The following NXPE2 variants were observed in gnomAD, a reference collection of about 807,000 sequenced individuals.
NXPE2 encodes the protein NXPE family member 2.
In NXPE2, 34 loss-of-function variants were observed where a neutral mutation model predicts 34.4. The observed-to-expected ratio is 0.99, with a 90% CI of 0.75 to 1.31. The LOEUF (loss-of-function observed/expected upper bound fraction) is 1.31, where lower values mean the gene tolerates loss of function less well. Among genes scored for constraint, NXPE2 ranks in the 40% most tolerant of loss-of-function variants. The probability of loss-of-function intolerance (pLI) is 0.00; values close to 1 mark genes in which losing one functional copy is unlikely to be tolerated. For synonymous variants in NXPE2, 235 were observed against 231.3 expected (o/e 1.02, Z -0.15); for missense variants, 649 against 672.5 (o/e 0.97, Z 0.39).
the NXPE2 span, among the ~76,000 whole-genome samples, chr11:114,604,417 C>G: frequency 6.6e-6 from 1 of 151,904 alleles, no homozygotes. Context: ...TAAGTATTGC[C>G]TCGTGGGTAA....
chr11:114,797,544 T>C, the NXPE2 span, among the ~76,000 whole-genome samples: 2 of 152,130 alleles, frequency 1.3e-5, no homozygotes, highest in African/African-American at 4.8e-5. Context: ...TTATGGCACG[T>C]GGAGCTCCTC....
At chr11:114,597,673 C>T in the NXPE2 span, among the ~76,000 whole-genome samples, 1 of 151,870 alleles carries the variant, frequency 6.6e-6, no homozygotes, top group African/African-American at 2.4e-5. Flanking sequence ...CTGGTTGATT[C>T]CATCACTTTG....
chr11:114,788,971 G>T, the NXPE2 span, among the ~76,000 whole-genome samples: 6 of 152,142 alleles, frequency 3.9e-5, no homozygotes, highest in Admixed American at 3.9e-4. Flanking sequence ...ACAGAGCAAG[G>T]CCTCTCATTT....
the NXPE2 span, among the ~76,000 whole-genome samples, chr11:114,654,397 G>C: frequency 6.6e-6 from 1 of 151,844 alleles, no homozygotes; most frequent in Non-Finnish European, 1.5e-5. Context: ...GAATGTGCAG[G>C]TTTGTTACAT....
the NXPE2 span, among the ~76,000 whole-genome samples, chr11:114,630,652 C>A: frequency 4.6e-5 from 7 of 150,882 alleles, no homozygotes; most frequent in African/African-American, 1.7e-4. Context: ...GCAATGGCAA[C>A]AAAAGCCAAA....
intron 2 of NXPE2, among the ~76,000 whole-genome samples, chr11:114,687,918 C>T (rs1355946137): frequency 6.6e-6 from 1 of 151,920 alleles, no homozygotes; most frequent in Non-Finnish European, 1.5e-5. Flanking sequence ...AAAAATGCTA[C>T]TAATTTTTGT....
chr11:114,594,184 G>T, the NXPE2 span, among the ~76,000 whole-genome samples: 1 of 152,020 alleles, frequency 6.6e-6, no homozygotes, highest in Non-Finnish European at 1.5e-5. Flanking sequence ...GAGTATAATT[G>T]TCTTGTTTGT....
chr11:114,735,753 C>T, the NXPE2 span, among the ~76,000 whole-genome samples: 2 of 152,194 alleles, frequency 1.3e-5, no homozygotes, highest in African/African-American at 4.8e-5. Context: ...CCCTATCCAA[C>T]AGGTCTTTGT....
chr11:114,733,270 T>C, the NXPE2 span, among the ~76,000 whole-genome samples: 3 of 152,162 alleles, frequency 2.0e-5, no homozygotes, highest in African/African-American at 7.2e-5. Flanking sequence ...ATTTTTTGTA[T>C]TTTTAGTACA....
chr11:114,623,169 GATA>G, the NXPE2 span, among the ~76,000 whole-genome samples: 2 of 152,036 alleles, frequency 1.3e-5, no homozygotes, highest in East Asian at 1.9e-4. Context: ...TTAACCGGTG[GATA>G]ATAATTATTG....
the NXPE2 span, among the ~76,000 whole-genome samples, chr11:114,742,160 G>A: frequency 6.6e-6 from 1 of 152,136 alleles, no homozygotes; most frequent in Non-Finnish European, 1.5e-5. Flanking sequence ...AAACGTTGAA[G>A]TTTGTATACC....
chr11:114,601,923 A>ATTATATATTATAT, the NXPE2 span, among the ~76,000 whole-genome samples: 4 of 70,362 alleles, frequency 5.7e-5, no homozygotes, highest in Non-Finnish European at 7.4e-5. Context: ...ATTATATATA[A>ATTATATATTATAT]TATATTTATA....
the NXPE2 span, among the ~76,000 whole-genome samples, chr11:114,632,960 AATTATAT>A: frequency 4.1e-4 from 42 of 102,224 alleles, no homozygotes; most frequent in South Asian, 8.2e-4. Flanking sequence ...TATTTTATAT[AATTATAT>A]ATTATATATT....
At chr11:114,589,404 C>T in the NXPE2 span, among the ~76,000 whole-genome samples, 1 of 152,136 alleles carries the variant, frequency 6.6e-6, no homozygotes, top group Non-Finnish European at 1.5e-5. Flanking sequence ...TAATCGAGGC[C>T]TCCCCTTTTC....
At chr11:114,522,934 G>T in the NXPE2 span, 1 of 1,613,472 alleles carries the variant, frequency 6.2e-7, no homozygotes, top group Non-Finnish European at 8.5e-7. Context: ...AGTCTCCCAG[G>T]AGGTAAATGA....
the NXPE2 span, among the ~76,000 whole-genome samples, chr11:114,792,096 AGCAGCTCCATAT>A: frequency 1.2e-4 from 19 of 152,282 alleles, no homozygotes; most frequent in African/African-American, 4.6e-4. Context: ...ATACGTGCTG[AGCAGCTCCATAT>A]GCAGGTACAG....
the NXPE2 span, among the ~76,000 whole-genome samples, chr11:114,728,768 A>G: frequency 6.6e-6 from 1 of 152,132 alleles, no homozygotes; most frequent in African/African-American, 2.4e-5. Flanking sequence ...TAGGCTGGTT[A>G]TATTCCAATA....
the NXPE2 span, among the ~76,000 whole-genome samples, chr11:114,742,145 C>T: frequency 1.3e-5 from 2 of 152,118 alleles, no homozygotes; most frequent in Non-Finnish European, 2.9e-5. Context: ...TAGGATGGCA[C>T]TCTGAAACGT....
At chr11:114,612,541 A>C in the NXPE2 span, among the ~76,000 whole-genome samples, 1 of 151,826 alleles carries the variant, frequency 6.6e-6, no homozygotes, top group South Asian at 2.1e-4. Context: ...CCCTGTGTCT[A>C]ATAAGTGTTG....
Sources: gnomAD v4.1 joint callset for allele counts (sites outside exome capture counted in the v4.1 genomes callset) on GRCh38, gnomAD v4.1.1 for gene constraint, MANE v1.5 for transcripts, NCBI Gene and HGNC (gene_info 2026-07-23, HGNC 2026-07-21) for gene names.